The following NTN1 variants were observed in gnomAD, a reference collection of about 807,000 sequenced individuals.
NTN1 encodes the protein netrin 1.
In NTN1, 11 loss-of-function variants were observed where a neutral mutation model predicts 54.2. That is an observed-to-expected ratio of 0.20 (90% confidence interval 0.13 to 0.34). NTN1 has a LOEUF of 0.34. Among genes scored for constraint, NTN1 ranks in the 10% least tolerant of loss-of-function variants. The pLI is 1.00. For missense variants in NTN1, 740 were observed against 893.1 expected (o/e 0.83, Z 2.18); for synonymous variants, 371 against 382.0 (o/e 0.97, Z 0.33).
intron 5 of NTN1, among the ~76,000 whole-genome samples, chr17:9,205,875 C>T (rs991153086): frequency 6.6e-6 from 1 of 152,270 alleles, no homozygotes; most frequent in Non-Finnish European, 1.5e-5. Flanking sequence ...ACTGCCTCTT[C>T]CTATGTGGCT....
chr17:9,149,686 T>G (rs538637119), intron 2 of NTN1, among the ~76,000 whole-genome samples: 1 of 152,154 alleles, frequency 6.6e-6, no homozygotes, highest in Non-Finnish European at 1.5e-5. Flanking sequence ...CTTAGAACAA[T>G]GTCCCCCTTC....
At position 9,221,268 on chromosome 17, in the gene NTN1, G is replaced by A. The variant is rs1457282685; in HGVS notation, c.1486+26G>A. The A allele has an allele frequency of 6.3e-7, 1 of 1,583,596 alleles. No individual in the cohort carries two copies. The highest frequency in any genetic ancestry group is 8.7e-7 in the Non-Finnish European group (1 of 1,152,562). On this transcript the variant is annotated intron_variant, in intron 6 of 6. Coordinates refer to ENST00000173229, the MANE Select transcript of NTN1 (RefSeq NM_004822.3). This position sits in a 1 kb window ranked among gnomAD's most constrained non-coding sequence, Gnocchi z 4.5. ...GTGAGTGAGAGTCCCCTTGTCTGGG[G>A]AGGATGGGAGGGGGCCACGTGACCA...
chr17:9,199,852 A>G (rs1246873409), intron 5 of NTN1, among the ~76,000 whole-genome samples: 3 of 152,222 alleles, frequency 2.0e-5, no homozygotes, highest in African/African-American at 7.2e-5. Flanking sequence ...GCCACCTGTC[A>G]TCATGATGTT....
chr17:9,229,811 A>AG (rs978693969), intron 6 of NTN1, among the ~76,000 whole-genome samples: 3 of 152,032 alleles, frequency 2.0e-5, no homozygotes, highest in African/African-American at 7.2e-5. Flanking sequence ...CCTGATGGTG[A>AG]GGGGGGAGAC....
chr17:9,228,277 C>T (rs1905668326), intron 6 of NTN1, among the ~76,000 whole-genome samples: 1 of 152,178 alleles, frequency 6.6e-6, no homozygotes, highest in Non-Finnish European at 1.5e-5. Context: ...AGCAGGGCTC[C>T]TCGGTGGAGG....
At chr17:9,192,736 C>A (rs1020858224) in intron 5 of NTN1, among the ~76,000 whole-genome samples, 3 of 152,164 alleles carry the variant, frequency 2.0e-5, no homozygotes, top group Admixed American at 1.3e-4. Context: ...AAACCCGGCT[C>A]TTTTATTAGT....
intron 2 of NTN1, among the ~76,000 whole-genome samples, chr17:9,031,852 C>T (rs563719748): frequency 6.6e-6 from 1 of 152,182 alleles, no homozygotes; most frequent in East Asian, 1.9e-4. Context: ...ATCCTAACTA[C>T]TCAGAGGTTG....
At chr17:9,184,832 GCTGGTATAAAACTT>G (rs1302714431) in intron 5 of NTN1, among the ~76,000 whole-genome samples, 2 of 152,260 alleles carry the variant, frequency 1.3e-5, no homozygotes, top group African/African-American at 4.8e-5. Flanking sequence ...GCTACAAGAA[GCTGGTATAAAACTT>G]CCGAGGTTCT....
rs764990370 is a variant in NTN1 at position 9,179,858 on chromosome 17, C to A, written c.1259C>A (p.Thr420Asn). The change falls in exon 4 of 7, where the codon ACC becomes AAC. Residue 420 changes from threonine (T) to asparagine (N), a missense_variant. Coordinates refer to ENST00000173229, the MANE Select transcript of NTN1 (RefSeq NM_004822.3). ...GAAGKTCNQT[T>N]GQCPCKDGVT... ...GCTGGCAAAACCTGCAACCAAACCA[C>A]CGGCCAGTGTCCCTGCAAGGACGGC... 1 of 1,614,114 alleles carries A rather than the reference C, an allele frequency of 6.2e-7. No homozygotes were observed. The highest frequency in any genetic ancestry group is 8.5e-7 in the Non-Finnish European group (1 of 1,180,018).
At chr17:9,012,726 C>G in the NTN1 span, among the ~76,000 whole-genome samples, 1 of 152,104 alleles carries the variant, frequency 6.6e-6, no homozygotes, top group African/African-American at 2.4e-5. Context: ...CCTCCTGGCA[C>G]GTCCTGTTCC....
intron 2 of NTN1, among the ~76,000 whole-genome samples, chr17:9,045,952 G>T (rs1458982355): frequency 6.6e-6 from 1 of 152,168 alleles, no homozygotes; most frequent in East Asian, 1.9e-4. Flanking sequence ...TGTCATTTCC[G>T]TATCATCATT....
chr17:9,077,448 C>T (rs2092054695), intron 2 of NTN1, among the ~76,000 whole-genome samples: 1 of 152,150 alleles, frequency 6.6e-6, no homozygotes, highest in South Asian at 2.1e-4. Flanking sequence ...ATACCATCAG[C>T]TCATTTTAGC....
Position 9,113,413 on chromosome 17 carries a change from A to G in NTN1, c.1019-49400A>G, listed in dbSNP as rs149720145. Among the ~76,000 whole-genome samples the G allele has an allele frequency of 5.9e-5, 9 of 152,304 alleles. No individual in the cohort carries two copies. In the East Asian group the frequency reaches 1.7e-3, roughly 29 times the overall value. On this transcript the variant is annotated intron_variant, in intron 2 of 6. Coordinates refer to ENST00000173229, the MANE Select transcript of NTN1 (RefSeq NM_004822.3). ...ATGTTGTGACTAAAGGCTCACAGGA[A>G]CTTAACCCTGTATTTTCCCTGGGAG... is the stretch of plus-strand genomic sequence containing the variant.
chr17:9,180,988 G>A (rs3785980), intron 4 of NTN1, among the ~76,000 whole-genome samples: 54,523 of 152,096 alleles, frequency 0.36, 10,181 homozygotes, highest in Middle Eastern at 0.5. Context: ...TGGGGGGAAA[G>A]CTGAGGTCTC....
At chr17:9,037,194 G>A (rs1380934697) in intron 2 of NTN1, among the ~76,000 whole-genome samples, 1 of 152,160 alleles carries the variant, frequency 6.6e-6, no homozygotes, top group African/African-American at 2.4e-5. Flanking sequence ...TGAACTTTAT[G>A]TAATTGAAAT....
At chr17:9,059,954 A>C (rs1201272064) in intron 2 of NTN1, among the ~76,000 whole-genome samples, 1 of 152,152 alleles carries the variant, frequency 6.6e-6, no homozygotes, top group Non-Finnish European at 1.5e-5. Context: ...GGGGAGGGTC[A>C]CAGTGGCAAA....
chr17:9,139,356 A>C (rs2092290795), intron 2 of NTN1, among the ~76,000 whole-genome samples: 1 of 152,126 alleles, frequency 6.6e-6, no homozygotes, highest in African/African-American at 2.4e-5. Flanking sequence ...GGGAGACCCT[A>C]ACAGGAAGTC....
At chr17:9,202,894 T>A (rs7221511) in intron 5 of NTN1, among the ~76,000 whole-genome samples, 5,192 of 152,176 alleles carry the variant, frequency 0.034, 284 homozygotes, top group African/African-American at 0.12. Flanking sequence ...TGTTTCATGG[T>A]TTCATAATTT....
At chr17:9,217,027 C>G (rs1905230194) in intron 5 of NTN1, among the ~76,000 whole-genome samples, 1 of 149,074 alleles carries the variant, frequency 6.7e-6, no homozygotes, top group South Asian at 2.1e-4. Flanking sequence ...GGATGACAGA[C>G]AGGGCATGAC....
Sources: gnomAD v4.1 joint callset for allele counts (sites outside exome capture counted in the v4.1 genomes callset) on GRCh38, gnomAD v4.1.1 for gene constraint, Gnocchi (gnomAD v3.1) non-coding constraint, MANE v1.5 for transcripts, NCBI Gene and HGNC (gene_info 2026-07-23, HGNC 2026-07-21) for gene names.